ZNF423: variants seen among roughly 807,000 people sequenced by gnomAD.
ZNF423 encodes zinc finger protein 423.
Under a neutral mutation model 95.8 loss-of-function variants are expected in ZNF423, and 12 were observed. The ratio of observed to expected loss-of-function variants is 0.13; its 90% confidence interval spans 0.08 to 0.20. ZNF423 has a LOEUF of 0.20. Ranked by LOEUF, ZNF423 falls within the 10% of genes least tolerant of loss-of-function variation. The pLI is 1.00. For synonymous variants in ZNF423, 749 were observed against 711.9 expected (o/e 1.05, Z -0.83); for missense variants, 1,316 against 1,737.1 (o/e 0.76, Z 4.31).
intron 5 of ZNF423, among the ~76,000 whole-genome samples, chr16:49,567,679 G>A (rs1970235404): frequency 6.6e-6 from 1 of 152,238 alleles, no homozygotes; most frequent in Non-Finnish European, 1.5e-5. Flanking sequence ...GCCGTCCAGT[G>A]CAGGTGCAAG....
intron 5 of ZNF423, among the ~76,000 whole-genome samples, chr16:49,623,526 G>A (rs929113230): frequency 6.6e-6 from 1 of 152,248 alleles, no homozygotes; most frequent in African/African-American, 2.4e-5. Context: ...ACAGGAACGC[G>A]CATTAACATC....
chr16:49,623,998 T>C (rs1184677441), intron 5 of ZNF423, among the ~76,000 whole-genome samples: 1 of 152,200 alleles, frequency 6.6e-6, no homozygotes, highest in East Asian at 1.9e-4. Flanking sequence ...ACTCCAACTC[T>C]CATACACCAC....
At chr16:49,741,716 G>A (rs114169858) in intron 2 of ZNF423, among the ~76,000 whole-genome samples, 2,061 of 152,334 alleles carry the variant, frequency 0.014, 42 homozygotes, top group African/African-American at 0.047. Context: ...AGAGCACAGG[G>A]TCATCTGCTC....
At position 49,637,025 on chromosome 16, in the gene ZNF423, C is replaced by G. The variant is rs553236659; in HGVS notation, c.2151G>C (p.Lys717Asn). 24 of 1,613,994 alleles carry G rather than the reference C, an allele frequency of 1.5e-5. No homozygotes were observed. The South Asian group carries it at 2.6e-4, about 18-fold the overall frequency. The change falls in exon 4 of 8, where the codon AAG becomes AAC. Residue 717 changes from lysine to asparagine, a missense_variant. Transcript: ENST00000563137. This position sits in a 1 kb window ranked among gnomAD's most constrained non-coding sequence, Gnocchi z 5.6. ...CAAAGGTGTGCATGTCCAGCAGGTG[C>G]TTCTGCAGGTCATCCACCGAGGAAA... ...KQFSSVDDLQ[K>N]HLLDMHTFVL...
At chr16:49,535,252 A>G (rs1969018803) in intron 5 of ZNF423, among the ~76,000 whole-genome samples, 1 of 152,206 alleles carries the variant, frequency 6.6e-6, no homozygotes, top group African/African-American at 2.4e-5. Context: ...ACTGCCAGGG[A>G]GCTAGCACTG....
chr16:49,797,861 C>T (rs1425600059), intron 1 of ZNF423, among the ~76,000 whole-genome samples: 2 of 152,136 alleles, frequency 1.3e-5, no homozygotes, highest in Non-Finnish European at 2.9e-5. Flanking sequence ...CCACACCCTG[C>T]CCCCCAATAT....
intron 3 of ZNF423, among the ~76,000 whole-genome samples, chr16:49,684,235 A>G (rs955585431): frequency 6.6e-5 from 10 of 152,236 alleles, no homozygotes; most frequent in African/African-American, 2.4e-4. Flanking sequence ...CACAAAAGAA[A>G]TATCATCAGG....
In ZNF423 at chr16:49,492,469, C is replaced by T. The variant is rs549987470; in HGVS notation, c.3850-1165G>A. Among the ~76,000 whole-genome samples, 1 of 151,318 alleles carries T rather than the reference C, an allele frequency of 6.6e-6. No homozygotes were observed. The highest frequency in any genetic ancestry group is 1.5e-5 in the Non-Finnish European group (1 of 67,996). On this transcript the variant is annotated intron_variant, in intron 7 of 7. Coordinates refer to ENST00000563137, the MANE Select transcript of ZNF423 (RefSeq NM_001379286.1). The surrounding 1 kb of genome is among the most constrained non-coding windows in gnomAD (Gnocchi z 4.2). ...TGATGCCAGTAGCCTCGCCCGGAGG[C>T]CGAGGCCGGGGCCGGGGCCGGGGCC...
At chr16:49,794,728 C>T (rs2034472193) in intron 1 of ZNF423, among the ~76,000 whole-genome samples, 1 of 152,214 alleles carries the variant, frequency 6.6e-6, no homozygotes, top group Non-Finnish European at 1.5e-5. Context: ...CCCTGCTAAC[C>T]CGAACACCTC....
chr16:49,573,728 C>G (rs889654036), intron 5 of ZNF423, among the ~76,000 whole-genome samples: 3 of 152,184 alleles, frequency 2.0e-5, no homozygotes, highest in Admixed American at 6.5e-5. Context: ...GGGACACATT[C>G]AAACCATTGC....
intron 1 of ZNF423, among the ~76,000 whole-genome samples, chr16:49,804,005 G>A (rs574345957): frequency 2.8e-5 from 4 of 142,706 alleles, no homozygotes; most frequent in Admixed American, 1.5e-4. Flanking sequence ...GTGAGATCTC[G>A]ACTCACTGCA....
chr16:49,653,219 T>G (rs945564057), intron 3 of ZNF423, among the ~76,000 whole-genome samples: 1 of 149,126 alleles, frequency 6.7e-6, no homozygotes, highest in South Asian at 2.1e-4. Context: ...AACTCAGAGC[T>G]GCCCAGCACC....
chr16:49,544,448 T>C (rs1969370690), intron 5 of ZNF423, among the ~76,000 whole-genome samples: 1 of 152,180 alleles, frequency 6.6e-6, no homozygotes, highest in South Asian at 2.1e-4. Context: ...ACATAAGCAT[T>C]ACACCAGGCA....
At chr16:49,654,190 C>T (rs1470804775) in intron 3 of ZNF423, among the ~76,000 whole-genome samples, 1 of 152,204 alleles carries the variant, frequency 6.6e-6, no homozygotes, top group African/African-American at 2.4e-5. Flanking sequence ...AAGATGTATA[C>T]CGAGCATGCC....
intron 2 of ZNF423, among the ~76,000 whole-genome samples, chr16:49,769,950 C>A (rs1486861724): frequency 6.6e-6 from 1 of 152,084 alleles, no homozygotes; most frequent in African/African-American, 2.4e-5. Context: ...CTGACCACCC[C>A]AACACAGCCG....
intron 2 of ZNF423, among the ~76,000 whole-genome samples, chr16:49,770,049 T>C (rs955260404): frequency 6.6e-6 from 1 of 152,136 alleles, no homozygotes; most frequent in Non-Finnish European, 1.5e-5. Flanking sequence ...TTTTTATTCA[T>C]TGATTCATTT....
chr16:49,627,353 CA>C (rs1972327550), intron 4 of ZNF423, among the ~76,000 whole-genome samples: 1 of 140,118 alleles, frequency 7.1e-6, no homozygotes, highest in Non-Finnish European at 1.5e-5. Context: ...CATCCATCTA[CA>C]TACATACCCA....
At chr16:49,611,572 C>T (rs1971722989) in intron 5 of ZNF423, among the ~76,000 whole-genome samples, 1 of 151,830 alleles carries the variant, frequency 6.6e-6, no homozygotes, top group Admixed American at 6.6e-5. Flanking sequence ...ATTAAGCTTC[C>T]ACCTCAAAGA....
chr16:49,573,092 A>C (rs1349176039), intron 5 of ZNF423, among the ~76,000 whole-genome samples: 1 of 152,146 alleles, frequency 6.6e-6, no homozygotes, highest in Non-Finnish European at 1.5e-5. Flanking sequence ...ATTTGGATGG[A>C]TATATGAACA....
Sources: allele counts gnomAD v4.1 joint callset (sites outside exome capture counted in the v4.1 genomes callset), GRCh38; gene constraint gnomAD v4.1.1; non-coding constraint Gnocchi (gnomAD v3.1); transcripts MANE v1.5; gene names NCBI Gene and HGNC (gene_info 2026-07-23, HGNC 2026-07-21).